Variants in PVT1 observed in about 807,000 individuals in gnomAD.
The protein encoded by PVT1 is Pvt1 oncogene.
intron 3 of PVT1, among the ~76,000 whole-genome samples, chr8:127,982,402 G>A (rs1029086279): frequency 3.3e-5 from 5 of 152,180 alleles, no homozygotes; most frequent in African/African-American, 4.8e-5. Context: ...AGCATAGTGA[G>A]CAACAGCTGT....
Position 127,874,069 on chromosome 8 carries a change from G to T in PVT1, n.373-16520G>T, listed in dbSNP as rs146158766. Among the ~76,000 whole-genome samples, 258 of 152,352 alleles carry T rather than the reference G, an allele frequency of 1.7e-3. 1 individual carries two copies. Among genetic ancestry groups the T allele is most frequent in the African/African-American group, 6.0e-3 (249 of 41,582 alleles). ...TTGTGTAAGACACTCAAGGGAACATGCAAAGCTCAGGGCAGCTCAATTTGG... is the reference window on the plus strand; with the variant it reads ...TTGTGTAAGACACTCAAGGGAACATTCAAAGCTCAGGGCAGCTCAATTTGG... On this transcript the variant is annotated intron_variant and non_coding_transcript_variant, in intron 2 of 10. Coordinates refer to ENST00000651587, the Ensembl canonical transcript of PVT1.
chr8:127,816,279 C>A (rs910181610), intron 2 of PVT1, among the ~76,000 whole-genome samples: 4 of 152,108 alleles, frequency 2.6e-5, no homozygotes, highest in African/African-American at 4.8e-5. Context: ...CCCATGCCTA[C>A]CCCCTGCCCC....
intron 4 of PVT1, among the ~76,000 whole-genome samples, chr8:128,038,642 T>A (rs1214502475): frequency 5.9e-5 from 9 of 152,294 alleles, no homozygotes; most frequent in Non-Finnish European, 8.8e-5. Context: ...CACAGATTCA[T>A]TGACAGGGCC....
chr8:127,926,360 C>A (rs949836615), intron 3 of PVT1, among the ~76,000 whole-genome samples: 1 of 152,206 alleles, frequency 6.6e-6, no homozygotes, highest in African/African-American at 2.4e-5. Flanking sequence ...TGGACCGGTA[C>A]ACTCACCCCA....
chr8:127,858,339 G>A (rs1422553170), intron 2 of PVT1, among the ~76,000 whole-genome samples: 1 of 151,990 alleles, frequency 6.6e-6, no homozygotes, highest in Non-Finnish European at 1.5e-5. Context: ...CCTGGGAGGC[G>A]GAGGTTGCAG....
intron 2 of PVT1, chr8:127,855,464 C>T (rs2129741214): frequency 2.7e-6 from 1 of 364,472 alleles, no homozygotes; most frequent in Non-Finnish European, 4.9e-6. Flanking sequence ...GTTCCAGCTT[C>T]ACCCTCCTTT....
chr8:127,977,862 G>A (rs542070210), intron 3 of PVT1, among the ~76,000 whole-genome samples: 4 of 152,276 alleles, frequency 2.6e-5, no homozygotes, highest in Admixed American at 6.5e-5. Flanking sequence ...TTGTAAGTTC[G>A]GTGCCTTCTG....
At chr8:128,026,869 G>A (rs556890426) in intron 4 of PVT1, among the ~76,000 whole-genome samples, 3 of 152,208 alleles carry the variant, frequency 2.0e-5, no homozygotes, top group Admixed American at 1.3e-4. Context: ...GAACGTGACC[G>A]GCCTCATTCC....
At chr8:127,970,299 T>TTTTTG (rs1816750614) in intron 3 of PVT1, among the ~76,000 whole-genome samples, 1 of 122,348 alleles carries the variant, frequency 8.2e-6, no homozygotes, top group African/African-American at 3.0e-5. Context: ...GTTTTTTTTT[T>TTTTTG]TTTTTTTTTT....
chr8:127,877,712 A>G (rs955365650), intron 2 of PVT1, among the ~76,000 whole-genome samples: 4 of 152,146 alleles, frequency 2.6e-5, no homozygotes, highest in African/African-American at 9.7e-5. Context: ...TGTCAAACTT[A>G]GTGAACTTTC....
At chr8:128,076,673 A>G (rs561326407) in intron 5 of PVT1, among the ~76,000 whole-genome samples, 11 of 152,292 alleles carry the variant, frequency 7.2e-5, no homozygotes, top group Admixed American at 4.6e-4. Flanking sequence ...CCAGTGAGCC[A>G]GGTATCCACT....
At chr8:127,945,345 A>G (rs1219221123) in intron 3 of PVT1, among the ~76,000 whole-genome samples, 1 of 152,178 alleles carries the variant, frequency 6.6e-6, no homozygotes, top group South Asian at 2.1e-4. Flanking sequence ...TTTCTGTTTC[A>G]TAAGACGCGA....
intron 3 of PVT1, among the ~76,000 whole-genome samples, chr8:127,933,144 C>T (rs1218216466): frequency 2.6e-5 from 4 of 152,266 alleles, no homozygotes; most frequent in East Asian, 1.9e-4. Context: ...GGCACGATCT[C>T]GGCTCACTGC....
At chr8:127,913,041 G>C (rs181728298) in intron 3 of PVT1, among the ~76,000 whole-genome samples, 57 of 152,166 alleles carry the variant, frequency 3.7e-4, no homozygotes, top group Non-Finnish European at 6.5e-4. Flanking sequence ...GTAGAGATGG[G>C]GTTTTACCGT....
At chr8:127,951,517 G>C (rs1483004610) in intron 3 of PVT1, among the ~76,000 whole-genome samples, 3 of 152,138 alleles carry the variant, frequency 2.0e-5, no homozygotes, top group African/African-American at 7.2e-5. Context: ...TCACAGAAAG[G>C]TCTTGAGATT....
At chr8:127,978,799 A>AT (rs1816851470) in intron 3 of PVT1, among the ~76,000 whole-genome samples, 3 of 151,912 alleles carry the variant, frequency 2.0e-5, no homozygotes, top group East Asian at 1.9e-4. Flanking sequence ...TATTATTATA[A>AT]TTTTTTTTGG....
chr8:127,817,490 T>TATATATACATATATATATAAATA (rs1360329681), intron 2 of PVT1, among the ~76,000 whole-genome samples: 1 of 127,364 alleles, frequency 7.9e-6, no homozygotes, highest in African/African-American at 3.1e-5. Context: ...TGTGTGTGTG[T>TATATATACATATATATATAAATA]GTATATACAT....
At chr8:127,949,683 T>C (rs1048574170) in intron 3 of PVT1, among the ~76,000 whole-genome samples, 2 of 152,168 alleles carry the variant, frequency 1.3e-5, no homozygotes, top group Admixed American at 1.3e-4. Context: ...CAGATGACGC[T>C]GAAACCCGTG....
chr8:128,008,957 C>A, intron 4 of PVT1: 1 of 519,094 alleles, frequency 1.9e-6, no homozygotes, highest in Non-Finnish European at 4.0e-6. Context: ...GTGAACGCTG[C>A]CAAATTATGC....
Sources: allele counts gnomAD v4.1 joint callset (sites outside exome capture counted in the v4.1 genomes callset), GRCh38; gene constraint gnomAD v4.1.1; transcripts MANE v1.5; gene names NCBI Gene and HGNC (gene_info 2026-07-23, HGNC 2026-07-21).